The following ACSM6 variants were observed in gnomAD, a reference collection of about 807,000 sequenced individuals.
The protein encoded by ACSM6 is acyl-coenzyme A synthetase ACSM6, mitochondrial.
In ACSM6, 35 loss-of-function variants were observed where a neutral mutation model predicts 51.1. That is an observed-to-expected ratio of 0.69 (90% confidence interval 0.52 to 0.91). The LOEUF (loss-of-function observed/expected upper bound fraction) is 0.91. Among genes scored for constraint, ACSM6 ranks in the 40% least tolerant of loss-of-function variants. ACSM6 has a pLI of 0.00. For missense variants in ACSM6, 509 were observed against 584.1 expected (o/e 0.87, Z 1.32); for synonymous variants, 172 against 207.3 (o/e 0.83, Z 1.46).
chr10:95,201,396 A>G, intron 2 of ACSM6: 1 of 438,276 alleles, frequency 2.3e-6, no homozygotes, highest in Non-Finnish European at 4.6e-6. Flanking sequence ...TTATAAGTGA[A>G]AACAGGCAGT....
chr10:95,198,582 C>A (rs905829319), intron 2 of ACSM6, among the ~76,000 whole-genome samples: 1 of 151,084 alleles, frequency 6.6e-6, no homozygotes, highest in Non-Finnish European at 1.5e-5. Flanking sequence ...ACCCGGGAGG[C>A]AGAGGTTGCA....
intron 7 of ACSM6, 41 bp from the exon 8 acceptor site, chr10:95,214,811 A>G (rs534313957): frequency 3.2e-6 from 5 of 1,544,716 alleles, no homozygotes; most frequent in Non-Finnish European, 4.4e-6. Context: ...ATTGGTAGAA[A>G]TATTCCCTGA....
At chr10:95,214,392 T>G (rs1341740884) in intron 7 of ACSM6, among the ~76,000 whole-genome samples, 1 of 149,710 alleles carries the variant, frequency 6.7e-6, no homozygotes, top group Non-Finnish European at 1.5e-5. Context: ...ATTCTATTGT[T>G]GGGGCGCTGT....
chr10:95,197,907 T>C (rs1312757677), intron 2 of ACSM6, among the ~76,000 whole-genome samples: 1 of 152,270 alleles, frequency 6.6e-6, no homozygotes, highest in Non-Finnish European at 1.5e-5. Flanking sequence ...CGCAGTGCAC[T>C]GTGCCCCTGG....
intron 2 of ACSM6, chr10:95,201,363 T>G: frequency 2.4e-6 from 1 of 416,888 alleles, no homozygotes; most frequent in South Asian, 1.8e-5. Flanking sequence ...TATGTCCATA[T>G]GTACCCACTG....
intron 10 of ACSM6, among the ~76,000 whole-genome samples, chr10:95,226,692 G>A (rs2035043522): frequency 6.6e-6 from 1 of 152,194 alleles, no homozygotes; most frequent in Non-Finnish European, 1.5e-5. Flanking sequence ...TATCTATAAA[G>A]AGAGGCTTTC....
At chr10:95,206,715 C>T (rs994696863) in intron 3 of ACSM6, among the ~76,000 whole-genome samples, 6 of 152,170 alleles carry the variant, frequency 3.9e-5, no homozygotes, top group Admixed American at 6.5e-5. Flanking sequence ...ATGCCAGTCT[C>T]ATAGGAGGTC....
chr10:95,204,290 G>A (rs918630211), intron 3 of ACSM6, among the ~76,000 whole-genome samples: 8 of 152,150 alleles, frequency 5.3e-5, no homozygotes, highest in African/African-American at 1.4e-4. Flanking sequence ...CAGTGGCTAC[G>A]CCTGTAATCC....
At chr10:95,218,100 T>C (rs2034963393) in intron 8 of ACSM6, among the ~76,000 whole-genome samples, 2 of 152,232 alleles carry the variant, frequency 1.3e-5, no homozygotes, top group Non-Finnish European at 2.9e-5. Context: ...GCAGTAATGA[T>C]TTTGGCTTTA....
At chr10:95,198,415 C>A (rs2133369830) in intron 2 of ACSM6, among the ~76,000 whole-genome samples, 1 of 152,236 alleles carries the variant, frequency 6.6e-6, no homozygotes, top group Non-Finnish European at 1.5e-5. Context: ...CTTTGGGAGG[C>A]CGAGGCAGGT....
chr10:95,208,124 G>A (rs1336340130), intron 4 of ACSM6, among the ~76,000 whole-genome samples: 1 of 151,748 alleles, frequency 6.6e-6, no homozygotes, highest in African/African-American at 2.4e-5. Context: ...CTGGGGGACA[G>A]AGTGAGACTC....
chr10:95,216,289 T>G (rs996344226), intron 8 of ACSM6, among the ~76,000 whole-genome samples: 1 of 151,852 alleles, frequency 6.6e-6, no homozygotes, highest in African/African-American at 2.4e-5. Context: ...CATGACCTCA[T>G]CTAAACCCAA....
chr10:95,196,294 G>A (rs570290367), intron 2 of ACSM6, among the ~76,000 whole-genome samples: 21 of 152,290 alleles, frequency 1.4e-4, no homozygotes, highest in South Asian at 4.1e-4. Context: ...CAGTGATTGG[G>A]TGCCAAGGAA....
chr10:95,220,087 C>A, intron 9 of ACSM6, 116 bp downstream of exon 9: 1 of 772,430 alleles, frequency 1.3e-6, no homozygotes, highest in Non-Finnish European at 2.2e-6. Flanking sequence ...TCTCTAAATT[C>A]ACCCCAAGGA....
At chr10:95,207,505 A>G in intron 4 of ACSM6, 90 bp downstream of exon 4, 1 of 1,347,974 alleles carries the variant, frequency 7.4e-7, no homozygotes, top group South Asian at 1.2e-5. Flanking sequence ...GTGAGTGGTC[A>G]GAATGAAAAG....
chr10:95,196,828 A>ACTT, intron 2 of ACSM6, among the ~76,000 whole-genome samples: 1 of 152,372 alleles, frequency 6.6e-6, no homozygotes, highest in East Asian at 1.9e-4. Flanking sequence ...TCTACTTAAT[A>ACTT]CTTTAATATC....
chr10:95,207,346 C>T, exon 4 of ACSM6: 1 of 1,614,162 alleles, frequency 6.2e-7, no homozygotes, highest in Non-Finnish European at 8.5e-7. Context: ...GACTGCCCCA[C>T]CTTGAAAACC....
rs561849271 is a variant in ACSM6 at position 95,204,160 on chromosome 10, C to T, written c.403+1965C>T. Among the ~76,000 whole-genome samples, 22 of 152,304 alleles carry T rather than the reference C, an allele frequency of 1.4e-4. No homozygotes were observed. The South Asian group carries it at 2.1e-3, about 14-fold the overall frequency. ...AGCCACATACCAGTCCAAAGCAGGG[C>T]TATCATTTTCACTCACAATAATTAA... On this transcript the variant is annotated intron_variant, in intron 3 of 10. Transcript: ENST00000341686.
chr10:95,203,424 T>C (rs632361), intron 3 of ACSM6, among the ~76,000 whole-genome samples: 78,489 of 151,968 alleles, frequency 0.52, 21,199 homozygotes, highest in Middle Eastern at 0.66. Context: ...TCCTCTTGCC[T>C]CAGTCTGTGG....
Sources: allele counts gnomAD v4.1 joint callset (sites outside exome capture counted in the v4.1 genomes callset), GRCh38; gene constraint gnomAD v4.1.1; transcripts MANE v1.5; gene names NCBI Gene and HGNC (gene_info 2026-07-23, HGNC 2026-07-21).